IMPG1: variants seen among roughly 807,000 people sequenced by gnomAD.
The protein encoded by IMPG1 is interphotoreceptor matrix proteoglycan of 150 kDa.
IMPG1 carries 85 observed loss-of-function variants against 92.0 expected under a neutral mutation model. That is an observed-to-expected ratio of 0.92 (90% CI 0.78 to 1.11). IMPG1 has a LOEUF of 1.11. Ranked by LOEUF, IMPG1 falls within the 50% of genes least tolerant of loss-of-function variation. The probability of loss-of-function intolerance (pLI) is 0.00; values close to 1 mark genes in which losing one functional copy is unlikely to be tolerated. For synonymous variants in IMPG1, 367 were observed against 334.1 expected (o/e 1.10, Z -1.08); for missense variants, 1,022 against 956.0 (o/e 1.07, Z -0.91).
Position 76,003,854 on chromosome 6 carries a change from C to G in IMPG1, c.1212+20G>C. The G allele has an allele frequency of 6.3e-7, 1 of 1,591,450 alleles. No individual in the cohort carries two copies. Among genetic ancestry groups the G allele is most frequent in the Non-Finnish European group, 8.6e-7 (1 of 1,163,404 alleles). Reference sequence around the variant, plus strand: ...TGAGACTTTGTTCCTAGTTAAAGAACAAAAGGACAACAAACTTACCTCTGT... The same window carrying G: ...TGAGACTTTGTTCCTAGTTAAAGAAGAAAAGGACAACAAACTTACCTCTGT... On this transcript the variant is annotated intron_variant, in intron 11 of 16. Transcript: ENST00000369950.
intron 4 of IMPG1, 25 bp downstream of exon 4, chr6:76,034,290 C>T (rs1299458758): frequency 6.2e-7 from 1 of 1,608,592 alleles, no homozygotes; most frequent in Non-Finnish European, 8.5e-7. Flanking sequence ...AGCACACACA[C>T]ACACACTCTA....
chr6:75,930,854 A>G (rs1209304161), intron 15 of IMPG1, 99 bp downstream of exon 15: 2 of 1,115,888 alleles, frequency 1.8e-6, no homozygotes, highest in Non-Finnish European at 2.6e-6. Flanking sequence ...TTTAAAAACC[A>G]TGGGTTGAAA....
At chr6:76,021,481 A>G (rs1783423617) in intron 6 of IMPG1, among the ~76,000 whole-genome samples, 1 of 152,078 alleles carries the variant, frequency 6.6e-6, no homozygotes, top group South Asian at 2.1e-4. Context: ...CAATTTGTCG[A>G]CAATGAGGAC....
At chr6:76,040,565 C>G (rs1783817880) in intron 2 of IMPG1, among the ~76,000 whole-genome samples, 1 of 152,150 alleles carries the variant, frequency 6.6e-6, no homozygotes, top group East Asian at 1.9e-4. Context: ...TTGGCTAGTA[C>G]CTGCTCTGTG....
Position 76,011,836 on chromosome 6 carries a change from T to C in IMPG1, c.808-612A>G, listed in dbSNP as rs546265281. On this transcript the variant is annotated intron_variant, in intron 7 of 16. Coordinates refer to ENST00000369950, the MANE Select transcript of IMPG1 (RefSeq NM_001563.4). ...CACCTATGAGTGAGAATATGCGGTG[T>C]TTGGTTTTTTGTTCTTGCGATAGTT... Among the ~76,000 whole-genome samples the C allele has an allele frequency of 5.8e-3, 865 of 148,924 alleles. 9 individuals are homozygous for C. The highest frequency in any genetic ancestry group is 6.6e-3 in the Non-Finnish European group (443 of 67,360).
intron 12 of IMPG1, among the ~76,000 whole-genome samples, chr6:75,987,131 C>A (rs1168840720): frequency 1.4e-4 from 22 of 151,966 alleles, no homozygotes; most frequent in Non-Finnish European, 2.9e-5. Context: ...GTTTCCTTGG[C>A]GAGGCCTAAA....
chr6:75,952,227 G>T (rs538278747), intron 12 of IMPG1, among the ~76,000 whole-genome samples: 54 of 152,154 alleles, frequency 3.5e-4, no homozygotes, highest in Non-Finnish European at 5.9e-5. Flanking sequence ...GAACAAAACA[G>T]GGAGCTTTTT....
In IMPG1 at chr6:76,005,507, C is replaced by T. The variant is rs144378004; in HGVS notation, c.915G>A (p.Thr305=). 2.0e-4 allele frequency: 328 copies of T among 1,613,796 alleles called. No homozygotes were observed. The highest frequency in any genetic ancestry group is 2.5e-4 in the Non-Finnish European group (298 of 1,179,908). The part of the protein sequence containing the change: ...DGSSSTEMQL[T]AIFKRHSAEA... ...CTGCACTGTGTCTCTTAAAGATGGC[C>T]GTAAGTTGCATCTCTGTGGAGCTTG... The change falls in exon 10 of 17, where the codon ACG becomes ACA. Residue 305 remains threonine (T), a synonymous_variant. Coordinates refer to ENST00000369950, the MANE Select transcript of IMPG1 (RefSeq NM_001563.4).
chr6:75,957,997 GTGTCT>G (rs1475347399), intron 12 of IMPG1, among the ~76,000 whole-genome samples: 9 of 152,216 alleles, frequency 5.9e-5, no homozygotes, highest in African/African-American at 2.2e-4. Context: ...TTTCTTCGTA[GTGTCT>G]ATGGTCTTTA....
At chr6:75,998,659 ACTT>A (rs1226594206) in intron 12 of IMPG1, among the ~76,000 whole-genome samples, 1 of 152,204 alleles carries the variant, frequency 6.6e-6, no homozygotes, top group East Asian at 1.9e-4. Flanking sequence ...ACACTAAAGA[ACTT>A]CTCTCCTGAT....
intron 1 of IMPG1, among the ~76,000 whole-genome samples, chr6:76,065,093 C>T (rs1784286851): frequency 6.6e-6 from 1 of 151,806 alleles, no homozygotes. Context: ...GGGAAAAAAT[C>T]CTGTCCAAAT....
intron 1 of IMPG1, among the ~76,000 whole-genome samples, chr6:76,052,166 C>A (rs1784053466): frequency 6.6e-6 from 1 of 152,076 alleles, no homozygotes; most frequent in Admixed American, 6.6e-5. Flanking sequence ...ACCCTCTGAA[C>A]AGGTGGAATT....
At position 75,991,397 on chromosome 6, in the gene IMPG1, A is replaced by T. The variant is rs79558915; in HGVS notation, c.1291+11521T>A. ...CAGAGCAAGACTCTGCCTTGGAAAT[A>T]AAAAAAAAAAAAGGCAAAAGAGGCA... On this transcript the variant is annotated intron_variant, in intron 12 of 16. Transcript: ENST00000369950. Among the ~76,000 whole-genome samples the T allele has an allele frequency of 1.4e-3, 186 of 130,176 alleles. 1 individual carries two copies. Among genetic ancestry groups the T allele is most frequent in the Admixed American group, 2.6e-3 (34 of 13,280 alleles). 85.4% of individuals were successfully genotyped at this position (130,176 alleles called of 152,430 possible).
rs1267857197 is a variant in IMPG1 at position 76,039,070 on chromosome 6, T to G, written c.301+2823A>C. Among the ~76,000 whole-genome samples the G allele has an allele frequency of 2.0e-5, 3 of 152,248 alleles. No homozygotes were observed. In the East Asian group the frequency reaches 5.8e-4, roughly 29 times the overall value. ...CCCCTGAACATGCCATTTTACTTCA[T>G]CAGATCTCAGTTTTCTTATCCGTAC... On this transcript the variant is annotated intron_variant, in intron 2 of 16. Transcript: ENST00000369950.
chr6:76,028,680 A>T (rs1174291197), intron 4 of IMPG1, among the ~76,000 whole-genome samples: 2 of 152,162 alleles, frequency 1.3e-5, no homozygotes, highest in East Asian at 3.9e-4. Flanking sequence ...AATAGAAAAA[A>T]TCAGCCAGGC....
intron 14 of IMPG1, among the ~76,000 whole-genome samples, chr6:75,932,513 G>A (rs1339777232): frequency 2.0e-5 from 3 of 152,152 alleles, no homozygotes; most frequent in Non-Finnish European, 4.4e-5. Flanking sequence ...GCTGATTCTG[G>A]GGAGACAGAG....
chr6:76,017,839 G>GC (rs1562371329), intron 7 of IMPG1, among the ~76,000 whole-genome samples: 1 of 152,194 alleles, frequency 6.6e-6, no homozygotes, highest in South Asian at 2.1e-4. Context: ...TGCCACCTCT[G>GC]CCCCCCGGGT....
chr6:75,932,198 G>A (rs541880488), intron 14 of IMPG1, among the ~76,000 whole-genome samples: 4 of 152,204 alleles, frequency 2.6e-5, no homozygotes, highest in African/African-American at 7.2e-5. Context: ...CTGGTCTCAC[G>A]GCCATCCCTT....
chr6:75,957,614 G>A (rs1018519031), intron 12 of IMPG1, among the ~76,000 whole-genome samples: 5 of 152,140 alleles, frequency 3.3e-5, no homozygotes, highest in African/African-American at 1.2e-4. Context: ...TATATATTTA[G>A]GATAGTTAGC....
Sources: allele counts gnomAD v4.1 joint callset (sites outside exome capture counted in the v4.1 genomes callset), GRCh38; gene constraint gnomAD v4.1.1; transcripts MANE v1.5; gene names NCBI Gene and HGNC (gene_info 2026-07-23, HGNC 2026-07-21).